DACH1: variants seen among roughly 807,000 people sequenced by gnomAD.
DACH1 encodes dachshund family transcription factor 1, also known as dachshund homolog 1.
DACH1 carries 12 observed loss-of-function variants against 54.2 expected under a neutral mutation model. The ratio of observed to expected loss-of-function variants is 0.22; its 90% CI spans 0.14 to 0.36. The LOEUF is 0.36. DACH1 is among the 10% of genes least tolerant of loss of function. The pLI, the probability that DACH1 is intolerant of heterozygous loss-of-function variation, is 1.00. For missense variants in DACH1, 805 were observed against 929.8 expected (o/e 0.87, Z 1.75); for synonymous variants, 386 against 366.2 (o/e 1.05, Z -0.62).
At chr13:71,568,299 C>T (rs563209085) in intron 4 of DACH1, among the ~76,000 whole-genome samples, 4 of 152,062 alleles carry the variant, frequency 2.6e-5, no homozygotes, top group African/African-American at 9.6e-5. Flanking sequence ...CATTCAACTA[C>T]CAAACAAAAT....
At chr13:71,818,926 G>A (rs1401679310) in intron 1 of DACH1, among the ~76,000 whole-genome samples, 1 of 152,136 alleles carries the variant, frequency 6.6e-6, no homozygotes, top group East Asian at 1.9e-4. Context: ...CTCCCAGGAA[G>A]GGACCTGAAT....
At chr13:71,442,916 G>A (rs750494794) in intron 10 of DACH1, among the ~76,000 whole-genome samples, 2 of 151,410 alleles carry the variant, frequency 1.3e-5, no homozygotes, top group South Asian at 2.1e-4. Flanking sequence ...CTGAGACTAC[G>A]GGAAGATAAA....
intron 6 of DACH1, among the ~76,000 whole-genome samples, chr13:71,516,548 C>A (rs555334822): frequency 2.0e-5 from 3 of 151,860 alleles, no homozygotes; most frequent in Non-Finnish European, 4.4e-5. Context: ...CTCTCTCCCC[C>A]ACCTTAAAAC....
chr13:71,448,514 A>G (rs905731748), intron 10 of DACH1, among the ~76,000 whole-genome samples: 3 of 152,232 alleles, frequency 2.0e-5, no homozygotes, highest in Non-Finnish European at 2.9e-5. Context: ...CAAAGGAAGA[A>G]GCTAATTAAA....
chr13:71,731,955 A>T (rs1353653654), intron 1 of DACH1, among the ~76,000 whole-genome samples: 2 of 152,206 alleles, frequency 1.3e-5, no homozygotes, highest in East Asian at 3.9e-4. Context: ...AGAGTAGTCA[A>T]CTAAAATCTT....
intron 10 of DACH1, among the ~76,000 whole-genome samples, chr13:71,453,469 A>T (rs2138121887): frequency 6.6e-6 from 1 of 152,284 alleles, no homozygotes. Flanking sequence ...CCTGTGAATA[A>T]ATTGAGATGT....
intron 6 of DACH1, among the ~76,000 whole-genome samples, chr13:71,541,147 A>T (rs1883104783): frequency 6.6e-6 from 1 of 151,974 alleles, no homozygotes; most frequent in East Asian, 1.9e-4. Context: ...TGGATAATGA[A>T]GTTCATATGT....
chr13:71,742,166 G>C (rs558407683), intron 1 of DACH1, among the ~76,000 whole-genome samples: 23 of 151,902 alleles, frequency 1.5e-4, no homozygotes, highest in African/African-American at 5.6e-4. Flanking sequence ...AGTACCTTTC[G>C]CCTCCTGCCA....
chr13:71,606,367 A>G (rs1389735659), intron 3 of DACH1, among the ~76,000 whole-genome samples: 1 of 152,082 alleles, frequency 6.6e-6, no homozygotes, highest in African/African-American at 2.4e-5. Flanking sequence ...TTATGAAAAA[A>G]TATTAGTAGA....
chr13:71,804,844 G>A (rs1887432055), intron 1 of DACH1, among the ~76,000 whole-genome samples: 1 of 152,040 alleles, frequency 6.6e-6, no homozygotes, highest in African/African-American at 2.4e-5. Context: ...ATCCTGACTT[G>A]TATTATTAAT....
chr13:71,564,341 A>T (rs749687054), intron 4 of DACH1, among the ~76,000 whole-genome samples: 10 of 152,088 alleles, frequency 6.6e-5, no homozygotes, highest in Non-Finnish European at 1.3e-4. Context: ...ATTTAATTTA[A>T]TACTTCAACA....
chr13:71,592,327 C>T (rs9599863), intron 3 of DACH1, among the ~76,000 whole-genome samples: 19,361 of 150,882 alleles, frequency 0.13, 2,842 homozygotes, highest in African/African-American at 0.36. Context: ...GGCTGGGCAA[C>T]AAAAAATAAT....
intron 1 of DACH1, among the ~76,000 whole-genome samples, chr13:71,777,438 G>T (rs552802329): frequency 6.6e-6 from 1 of 152,124 alleles, no homozygotes; most frequent in South Asian, 2.1e-4. Context: ...AAATTTTATG[G>T]TACATCGTTG....
chr13:71,866,861 G>T lies in DACH1; in HGVS notation c.-92C>A. 1.1e-6 allele frequency: 1 copy of T among 948,820 alleles called. No homozygotes were observed. Among genetic ancestry groups the T allele is most frequent in the Non-Finnish European group, 1.3e-6 (1 of 753,038 alleles). The allele number at this position is 948,820 out of a possible 1,614,324, so 58.8% of individuals were successfully genotyped here. On this transcript the variant is annotated 5_prime_UTR_variant, in exon 1 of 11. Coordinates refer to ENST00000613252, the MANE Select transcript of DACH1 (RefSeq NM_080759.6). ...GGGAAGGGGAAAAAAGGGGGGAGAAGGAGCGAGGGGGGCAACAACAACTCC... is the reference window on the plus strand; with the variant it reads ...GGGAAGGGGAAAAAAGGGGGGAGAATGAGCGAGGGGGGCAACAACAACTCC...
chr13:71,513,567 TGGAACAG>T (rs1457141458), intron 6 of DACH1, among the ~76,000 whole-genome samples: 1 of 152,064 alleles, frequency 6.6e-6, no homozygotes, highest in African/African-American at 2.4e-5. Context: ...CATGCTATTA[TGGAACAG>T]ATGTTAAATG....
intron 7 of DACH1, among the ~76,000 whole-genome samples, chr13:71,488,756 AT>A (rs1878744123): frequency 6.6e-6 from 1 of 151,356 alleles, no homozygotes; most frequent in African/African-American, 2.4e-5. Context: ...GGCCTATGTC[AT>A]TTTCATCTAA....
intron 7 of DACH1, among the ~76,000 whole-genome samples, chr13:71,483,646 G>T (rs1381299279): frequency 1.3e-5 from 2 of 150,348 alleles, no homozygotes; most frequent in South Asian, 2.1e-4. Flanking sequence ...AAAATTATTG[G>T]CCATGATATT....
intron 3 of DACH1, among the ~76,000 whole-genome samples, chr13:71,586,334 T>G (rs907880071): frequency 6.6e-6 from 1 of 152,126 alleles, no homozygotes; most frequent in African/African-American, 2.4e-5. Flanking sequence ...GATTAAATAG[T>G]AAGGTTTATG....
chr13:71,664,066 A>G (rs1879678687), intron 2 of DACH1, among the ~76,000 whole-genome samples: 1 of 152,000 alleles, frequency 6.6e-6, no homozygotes, highest in African/African-American at 2.4e-5. Flanking sequence ...AAAAATCATG[A>G]TCAAACCTGG....
Sources: allele counts gnomAD v4.1 joint callset (sites outside exome capture counted in the v4.1 genomes callset), GRCh38; gene constraint gnomAD v4.1.1; transcripts MANE v1.5; gene names NCBI Gene and HGNC (gene_info 2026-07-23, HGNC 2026-07-21).